SNAPC3: variants seen among roughly 807,000 people sequenced by gnomAD.
SNAPC3 encodes snRNA-activating protein complex subunit 3.
A neutral mutation model predicts 47.7 loss-of-function variants in SNAPC3; 56 were observed. The ratio of observed to expected loss-of-function variants is 1.18; its 90% CI spans 0.95 to 1.47. The LOEUF (loss-of-function observed/expected upper bound fraction) is 1.47, where lower values mean the gene tolerates loss of function less well. SNAPC3 is among the 40% of genes most tolerant of loss of function. The pLI is 0.00. For missense variants in SNAPC3, 665 were observed against 511.3 expected, an observed-to-expected ratio of 1.30 and a Z score of -2.90; for synonymous variants, 235 against 189.9, an observed-to-expected ratio of 1.24 and a Z score of -1.95.
chr9:15,423,875 G>C (rs765215442), intron 1 of SNAPC3, 34 bp from the exon 2 acceptor site: 8 of 1,287,498 alleles, frequency 6.2e-6, no homozygotes, highest in Non-Finnish European at 8.6e-6. Flanking sequence ...ATGCAGAGTC[G>C]ACCTTAAAGT....
Position 15,422,891 on chromosome 9 carries a change from A to C in SNAPC3, c.12A>C (p.Gly4=). The C allele has an allele frequency of 2.0e-6, 3 of 1,535,464 alleles. No individual in the cohort carries two copies. The highest frequency in any genetic ancestry group is 2.6e-6 in the Non-Finnish European group (3 of 1,141,182). Residue 4 remains glycine, a synonymous_variant, in exon 1 of 9, where the codon GGA becomes GGC. Coordinates refer to ENST00000380821, the MANE Select transcript of SNAPC3 (RefSeq NM_001039697.2). ...GGAGTGGGGCGAACATGGCTGAAGG[A>C]AGCCGAGGTGGCCCTACGTGTAGCG... The part of the protein sequence containing the change: MAE[G]SRGGPTCSGV...
intron 2 of SNAPC3, chr9:15,431,931 C>T (rs2032210631): frequency 1.8e-5 from 2 of 111,876 alleles, no homozygotes; most frequent in Non-Finnish European, 3.3e-5. Flanking sequence ...ATTTGCATAT[C>T]ATCCATGCAC....
At chr9:15,427,309 T>C (rs1429332751) in intron 2 of SNAPC3, among the ~76,000 whole-genome samples, 1 of 152,222 alleles carries the variant, frequency 6.6e-6, no homozygotes, top group Non-Finnish European at 1.5e-5. Context: ...AACTTACTTG[T>C]CATTCCAAAA....
chr9:15,465,512 A>G (rs1397949388), downstream of SNAPC3: 5 of 1,537,600 alleles, frequency 3.3e-6, no homozygotes, highest in African/African-American at 2.8e-5. Context: ...TATTCCAGGT[A>G]TGTCAACCTA....
intron 2 of SNAPC3, 107 bp from the exon 3 acceptor site, chr9:15,433,445 C>CT: frequency 1.3e-6 from 1 of 750,178 alleles, no homozygotes; most frequent in Non-Finnish European, 2.3e-6. Flanking sequence ...GCTTTTGCTA[C>CT]TTAAAATTAG....
chr9:15,439,597 C>A (rs1170364338), intron 3 of SNAPC3, among the ~76,000 whole-genome samples: 1 of 152,098 alleles, frequency 6.6e-6, no homozygotes, highest in East Asian at 1.9e-4. Flanking sequence ...TGCAGTGGCC[C>A]GATCTCGGCT....
chr9:15,439,082 G>T (rs1473548150), intron 3 of SNAPC3, among the ~76,000 whole-genome samples: 2 of 151,150 alleles, frequency 1.3e-5, no homozygotes, highest in African/African-American at 2.4e-5. Flanking sequence ...CCATCACTGC[G>T]CATTGCTGCC....
intron 3 of SNAPC3, among the ~76,000 whole-genome samples, chr9:15,436,927 G>A (rs2032868774): frequency 1.3e-5 from 2 of 149,870 alleles, no homozygotes; most frequent in Non-Finnish European, 1.5e-5. Context: ...GGGTTCGAGC[G>A]ATTCTCCTGC....
chr9:15,445,464 G>A lies in SNAPC3; in HGVS notation c.582+758G>A, dbSNP rs2033854533. Among the ~76,000 whole-genome samples the A allele has an allele frequency of 2.0e-5, 3 of 152,092 alleles. No homozygotes were observed. The South Asian group carries it at 6.2e-4, about 32-fold the overall frequency. ...AACATTATTAAGTCAAGGGTATCTA[G>A]GAATCTCTTAGGAGAAAGAACTCTT... On this transcript the variant is annotated intron_variant, in intron 4 of 8. Coordinates refer to ENST00000380821, the MANE Select transcript of SNAPC3 (RefSeq NM_001039697.2).
chr9:15,441,922 C>G (rs1412326046), intron 3 of SNAPC3, among the ~76,000 whole-genome samples: 1 of 152,166 alleles, frequency 6.6e-6, no homozygotes, highest in African/African-American at 2.4e-5. Context: ...ACCTCCCAGA[C>G]GTGGTGGCGG....
chr9:15,449,111 A>C (rs1380697211), intron 5 of SNAPC3, among the ~76,000 whole-genome samples: 1 of 152,170 alleles, frequency 6.6e-6, no homozygotes, highest in East Asian at 1.9e-4. Context: ...GTGCCTGGCC[A>C]AGATTTTTCT....
At chr9:15,436,970 C>A (rs1300202587) in intron 3 of SNAPC3, among the ~76,000 whole-genome samples, 1 of 151,152 alleles carries the variant, frequency 6.6e-6, no homozygotes, top group Non-Finnish European at 1.5e-5. Flanking sequence ...ATTACAGGTG[C>A]ATGCCACCAT....
chr9:15,451,600 A>G (rs1587368628), intron 6 of SNAPC3, among the ~76,000 whole-genome samples, 198 bp downstream of exon 6: 1 of 152,178 alleles, frequency 6.6e-6, no homozygotes, highest in Non-Finnish European at 1.5e-5. Context: ...CTGAGGCAGG[A>G]GAATCTTTTG....
rs2035092672 is a variant in SNAPC3 at position 15,460,097 on chromosome 9, C to T, written c.*231C>T. The T allele has an allele frequency of 3.0e-6, 1 of 337,076 alleles. No individual in the cohort carries two copies. Among genetic ancestry groups the T allele is most frequent in the African/African-American group, 2.1e-5 (1 of 47,088 alleles). The allele number at this position is 337,076 out of a possible 1,614,324, so 20.9% of individuals were successfully genotyped here. On this transcript the variant is annotated 3_prime_UTR_variant, in exon 9 of 9. Coordinates refer to ENST00000380821, the MANE Select transcript of SNAPC3 (RefSeq NM_001039697.2). ...TAGTATTTAATTTAGTGCTTTTTAC[C>T]CATTTTGAGTTGAGTTGTAGTACTT...
intron 2 of SNAPC3, chr9:15,431,946 G>A (rs918084938): frequency 7.0e-6 from 1 of 143,234 alleles, no homozygotes; most frequent in Admixed American, 7.0e-5. Flanking sequence ...ATGCACAGGG[G>A]CCGTGCTAAT....
chr9:15,436,821 T>G (rs1437644917), intron 3 of SNAPC3, among the ~76,000 whole-genome samples: 6 of 3,818 alleles, frequency 1.6e-3, no homozygotes, highest in African/African-American at 4.6e-3. Flanking sequence ...CTTACAGCAG[T>G]TTTTTTTTTT....
At chr9:15,441,869 C>T (rs1229572272) in intron 3 of SNAPC3, among the ~76,000 whole-genome samples, 7 of 152,222 alleles carry the variant, frequency 4.6e-5, no homozygotes, top group Non-Finnish European at 5.9e-5. Context: ...TCGACAAAAC[C>T]GCCATCGTCA....
At chr9:15,452,997 G>GTTT in intron 6 of SNAPC3, 44 bp from the exon 7 acceptor site, 6 of 1,510,054 alleles carry the variant, frequency 4.0e-6, no homozygotes, top group Non-Finnish European at 5.4e-6. Context: ...TAGTTTTTAA[G>GTTT]TTTTTGTGGA....
chr9:15,423,605 C>CT (rs1240309713), intron 1 of SNAPC3, among the ~76,000 whole-genome samples: 1 of 152,176 alleles, frequency 6.6e-6, no homozygotes, highest in Admixed American at 6.5e-5. Context: ...TAACTGGTTT[C>CT]TTTTGGGGAC....
Sources: allele counts gnomAD v4.1 joint callset (sites outside exome capture counted in the v4.1 genomes callset), GRCh38; gene constraint gnomAD v4.1.1; transcripts MANE v1.5; gene names NCBI Gene and HGNC (gene_info 2026-07-23, HGNC 2026-07-21).